The following HPN variants were observed in gnomAD, a reference collection of about 807,000 sequenced individuals.
HPN encodes the protein serine protease hepsin.
HPN carries 13 observed loss-of-function variants against 55.9 expected under a neutral mutation model. That is an observed-to-expected ratio of 0.23 (90% confidence interval 0.15 to 0.37). The LOEUF is 0.37. Ranked by LOEUF, HPN falls within the 10% of genes least tolerant of loss-of-function variation. The pLI is 1.00. For synonymous variants in HPN, 225 were observed against 240.3 expected, an observed-to-expected ratio of 0.94 and a Z score of 0.59; for missense variants, 451 against 575.8, an observed-to-expected ratio of 0.78 and a Z score of 2.22.
intron 2 of HPN, among the ~76,000 whole-genome samples, chr19:35,048,659 T>C: frequency 6.6e-6 from 1 of 152,062 alleles, no homozygotes. Flanking sequence ...TTTGGGAGGC[T>C]GAGGAAGGAA....
At position 35,049,464 on chromosome 19, in the gene HPN, C is replaced by T. The variant is rs1268354788; in HGVS notation, c.119-11C>T. The T allele has an allele frequency of 1.2e-6, 2 of 1,612,608 alleles. No homozygotes were observed. The highest frequency in any genetic ancestry group is 3.3e-5 in the Admixed American group (2 of 59,800). On this transcript the variant is annotated splice_polypyrimidine_tract_variant and intron_variant, in intron 3 of 12. Transcript: ENST00000672452. ...CCAGCCTGCCTGCCCTCACCCCTCCCTTCTCTGCAGTGGCTGTTCTCCTCA... is the reference window on the plus strand; with the variant it reads ...CCAGCCTGCCTGCCCTCACCCCTCCTTTCTCTGCAGTGGCTGTTCTCCTCA...
chr19:35,044,590 G>C (rs1216924830), intron 2 of HPN, among the ~76,000 whole-genome samples: 3 of 152,152 alleles, frequency 2.0e-5, no homozygotes, highest in Non-Finnish European at 4.4e-5. Context: ...TATTTTACAA[G>C]TTCTACTGTT....
intron 2 of HPN, among the ~76,000 whole-genome samples, chr19:35,043,210 G>A (rs1381446256): frequency 6.6e-6 from 1 of 152,210 alleles, no homozygotes; most frequent in Non-Finnish European, 1.5e-5. Context: ...ATGGAGAGGG[G>A]AGAGACGGCA....
Position 35,059,889 on chromosome 19 carries a change from C to G in HPN, c.306C>G (p.Ser102=), listed in dbSNP as rs753419965. 4 of 1,504,538 alleles carry G rather than the reference C, an allele frequency of 2.7e-6. No homozygotes were observed. In the African/African-American group the frequency reaches 4.2e-5, roughly 16 times the overall value. The allele number at this position is 1,504,538 out of a possible 1,614,324, so 93.2% of individuals were successfully genotyped here. The part of the protein sequence containing the change: ...EMGFLRALTH[S]ELDVRTAGAN... ...CCCCGCCCAGGGCACTGACCCACTC[C>G]GAGCTGGACGTGCGAACGGCGGGCG... The change falls in exon 6 of 13, where the codon TCC becomes TCG. Residue 102 remains serine, a synonymous_variant. Transcript: ENST00000672452.
intron 4 of HPN, among the ~76,000 whole-genome samples, chr19:35,058,014 A>G (rs1476031293): frequency 2.6e-5 from 4 of 151,392 alleles, no homozygotes; most frequent in Admixed American, 6.6e-5. Context: ...TTAGCTGGGC[A>G]TGGTGGTGCA....
Position 35,066,556 on chromosome 19 carries a change from A to C in HPN, c.*269A>C. The stretch of plus-strand genomic sequence containing the variant: ...GATGACGGGATGCTCTTTAAATAAT[A>C]AAGATGGTTTTGATTAATGTGGCCT... On this transcript the variant is annotated 3_prime_UTR_variant, in exon 13 of 13. Coordinates refer to ENST00000672452, the MANE Select transcript of HPN (RefSeq NM_001384133.1). 1.9e-6 allele frequency: 1 copy of C among 520,538 alleles called. No individual in the cohort carries two copies. The highest frequency in any genetic ancestry group is 3.4e-6 in the Non-Finnish European group (1 of 293,388). The allele number at this position is 520,538 out of a possible 1,614,324, so 32.2% of individuals were successfully genotyped here. A position where few individuals can be genotyped will look rare whatever the true frequency, so the allele number is the denominator to read the frequency against.
chr19:35,044,272 C>T (rs1300342192), intron 2 of HPN, among the ~76,000 whole-genome samples: 3 of 152,114 alleles, frequency 2.0e-5, no homozygotes, highest in Admixed American at 6.6e-5. Flanking sequence ...CTTGGTGCTG[C>T]CTGGAAACTT....
At chr19:35,058,681 AG>A (rs562158371) in intron 4 of HPN, among the ~76,000 whole-genome samples, 86 of 150,140 alleles carry the variant, frequency 5.7e-4, no homozygotes, top group African/African-American at 2.0e-3. Flanking sequence ...GCTATGGAAA[AG>A]TTCATATGAA....
At chr19:35,047,893 A>C (rs778712986) in intron 2 of HPN, among the ~76,000 whole-genome samples, 1 of 151,242 alleles carries the variant, frequency 6.6e-6, no homozygotes, top group Non-Finnish European at 1.5e-5. Context: ...GCTACTCGGG[A>C]GGCTCAGAAT....
chr19:35,066,237 G>C lies in HPN; in HGVS notation c.1216-12G>C, dbSNP rs766582739. On this transcript the variant is annotated splice_polypyrimidine_tract_variant and intron_variant, in intron 12 of 12. Transcript: ENST00000672452. ...TCTCAGACCTCGGGAGCCCCCAGCTGTCTTTCCCCAGACTCACTCCGAAGC... is the reference window on the plus strand; with the variant it reads ...TCTCAGACCTCGGGAGCCCCCAGCTCTCTTTCCCCAGACTCACTCCGAAGC... The C allele has an allele frequency of 5.0e-6, 8 of 1,613,904 alleles. No individual in the cohort carries two copies. The highest frequency in any genetic ancestry group is 1.3e-5 in the African/African-American group (1 of 74,930).
intron 4 of HPN, among the ~76,000 whole-genome samples, chr19:35,055,167 G>A (rs1276351967): frequency 6.6e-6 from 1 of 152,052 alleles, no homozygotes; most frequent in East Asian, 1.9e-4. Flanking sequence ...AAATTTAAAA[G>A]GCGTTTTTAG....
At position 35,059,914 on chromosome 19, in the gene HPN, G is replaced by A. The variant is rs770055977; in HGVS notation, c.331G>A (p.Ala111Thr). The change falls in exon 6 of 13, where the codon GCC becomes ACC. Residue 111 changes from alanine (A) to threonine (T), a missense_variant. Physicochemically the swap from Ala to Thr is moderately conservative, Grantham distance 58 (BLOSUM62 0). Transcript: ENST00000672452. ...CGAGCTGGACGTGCGAACGGCGGGC[G>A]CCAATGGCACGTCGGGCTTCTTCTG... Reference protein sequence around the residue: ...HSELDVRTAGANGTSGFFCVD... With the variant: ...HSELDVRTAGTNGTSGFFCVD... 18 of 1,504,576 alleles carry A rather than the reference G, an allele frequency of 1.2e-5. No individual in the cohort carries two copies. Among genetic ancestry groups the A allele is most frequent in the East Asian group, 9.5e-5 (4 of 42,256 alleles). The allele number at this position is 1,504,576 out of a possible 1,614,324, so 93.2% of individuals were successfully genotyped here.
chr19:35,049,697 C>G (rs551151599), intron 4 of HPN, among the ~76,000 whole-genome samples, 181 bp downstream of exon 4: 153 of 152,322 alleles, frequency 1.0e-3, no homozygotes, highest in Non-Finnish European at 1.9e-3. Flanking sequence ...CCCCACATGT[C>G]TAACCCAGAC....
In HPN at chr19:35,065,370, T is replaced by C. The variant is rs774806594; in HGVS notation, c.907+25T>C. The C allele has an allele frequency of 3.1e-6, 5 of 1,598,042 alleles. No homozygotes were observed. The South Asian group carries it at 4.4e-5, about 14-fold the overall frequency. On this transcript the variant is annotated intron_variant, in intron 10 of 12. Transcript: ENST00000672452. ...GGTGAGTCCTGTCCTCTGCCTCTGA[T>C]GCCACCGTTTGGGAGACTCTGAACT... is the stretch of plus-strand genomic sequence containing the variant.
At chr19:35,066,056 G>A (rs755767709) in intron 12 of HPN, 24 bp downstream of exon 12, 1 of 1,609,706 alleles carries the variant, frequency 6.2e-7, no homozygotes, top group Non-Finnish European at 8.5e-7. Context: ...CCAGATGGGA[G>A]CCAGGGTGGG....
chr19:35,065,214 C>G (rs754826480), intron 9 of HPN, 36 bp from the exon 10 acceptor site: 10 of 1,507,888 alleles, frequency 6.6e-6, no homozygotes, highest in Non-Finnish European at 9.2e-6. Context: ...GTGGGGCAGG[C>G]CAGCGGGGGC....
chr19:35,041,689 C>CACA, upstream of HPN: 1 of 385,802 alleles, frequency 2.6e-6, no homozygotes. Flanking sequence ...CCCGCCCCTT[C>CACA]ACCCGCCCCT....
chr19:35,056,102 T>C (rs2151761664), intron 4 of HPN, among the ~76,000 whole-genome samples: 1 of 152,280 alleles, frequency 6.6e-6, no homozygotes, highest in East Asian at 1.9e-4. Flanking sequence ...CGTGCTGATC[T>C]CACACACCTC....
intron 11 of HPN, 75 bp from the exon 12 acceptor site, chr19:35,065,793 A>C: frequency 6.4e-7 from 1 of 1,559,356 alleles, no homozygotes; most frequent in Admixed American, 1.9e-5. Context: ...CTGGGGCCAC[A>C]GCCCATGTCA....
Sources: allele counts gnomAD v4.1 joint callset (sites outside exome capture counted in the v4.1 genomes callset), GRCh38; gene constraint gnomAD v4.1.1; transcripts MANE v1.5; gene names NCBI Gene and HGNC (gene_info 2026-07-23, HGNC 2026-07-21).